The following METTL21C variants were observed in gnomAD, a reference collection of about 807,000 sequenced individuals.
The protein encoded by METTL21C is methyltransferase 21C, AARS1 lysine, also known as protein-lysine methyltransferase METTL21C.
METTL21C carries 21 observed loss-of-function variants against 25.9 expected under a neutral mutation model. That is an observed-to-expected ratio of 0.81 (90% CI 0.58 to 1.17). The LOEUF is 1.17. Among genes scored for constraint, METTL21C ranks in the 50% most tolerant of loss-of-function variants. METTL21C has a pLI of 0.00. For missense variants in METTL21C, 312 were observed against 315.1 expected, an observed-to-expected ratio of 0.99 and a Z score of 0.07; for synonymous variants, 125 against 124.7, an observed-to-expected ratio of 1.00 and a Z score of -0.01.
intron 1 of METTL21C, among the ~76,000 whole-genome samples, chr13:102,693,145 A>G (rs115540933): frequency 0.012 from 1,777 of 152,182 alleles, 41 homozygotes; most frequent in African/African-American, 0.041. Context: ...TAGTGTTCCT[A>G]CCGTACAGAC....
the METTL21C span, among the ~76,000 whole-genome samples, chr13:102,703,989 T>G: frequency 2.0e-5 from 3 of 152,214 alleles, no homozygotes; most frequent in Non-Finnish European, 4.4e-5. Flanking sequence ...TCACATTGTC[T>G]TAAGATGCAA....
chr13:102,686,095 G>T lies in METTL21C; in HGVS notation c.731C>A (p.Thr244Lys). The change falls in exon 4 of 4, where the codon ACA becomes AAA. Residue 244 changes from threonine to lysine, a missense_variant. Physicochemically the swap from Thr to Lys is moderately conservative, Grantham distance 78 (BLOSUM62 -1). Transcript: ENST00000267273. ...LDKFKQVFDTTLLAEYPESSV... is the reference protein window; with the variant it reads ...LDKFKQVFDTKLLAEYPESSV... ...TGACTCTGGATATTCAGCCAACAGT[G>T]TTGTGTCAAAAACTTGCTTGAATTT... The T allele has an allele frequency of 1.2e-6, 2 of 1,613,298 alleles. No individual in the cohort carries two copies. Among genetic ancestry groups the T allele is most frequent in the Non-Finnish European group, 1.7e-6 (2 of 1,179,420 alleles).
chr13:102,687,799 T>C (rs1885715428), intron 2 of METTL21C, among the ~76,000 whole-genome samples: 1 of 152,210 alleles, frequency 6.6e-6, no homozygotes, highest in Non-Finnish European at 1.5e-5. Context: ...TTTTTAAATG[T>C]TTTATATATC....
chr13:102,694,894 T>TCACACACACA lies in METTL21C; in HGVS notation c.-397_-396insTGTGTGTGTG, dbSNP rs1346890971. Among the ~76,000 whole-genome samples the TCACACACACA allele has an allele frequency of 2.1e-5, 3 of 142,484 alleles. No homozygotes were observed. Among genetic ancestry groups the TCACACACACA allele is most frequent in the African/African-American group, 7.9e-5 (3 of 37,782 alleles). 93.5% of individuals were successfully genotyped at this position (142,484 alleles called of 152,430 possible). The stretch of plus-strand genomic sequence containing the variant: ...CTCTTTCTCTCTCTCTCTCTCTCTC[T>TCACACACACA]CTCTCTCACACACACACACACACAC... On this transcript the variant is annotated 5_prime_UTR_variant, in exon 1 of 4. Coordinates refer to ENST00000267273, the MANE Select transcript of METTL21C (RefSeq NM_001010977.3).
intron 2 of METTL21C, among the ~76,000 whole-genome samples, chr13:102,687,553 T>TA (rs1885708269): frequency 1.3e-5 from 2 of 152,236 alleles, no homozygotes; most frequent in Admixed American, 1.3e-4. Flanking sequence ...CACTTTGCCG[T>TA]ATTGAGCGAC....
Position 102,686,208 on chromosome 13 carries a change from G to A in METTL21C, c.618C>T (p.Leu206=). The change falls in exon 4 of 4, where the codon CTC becomes CTT. Residue 206 remains leucine (L), a synonymous_variant. Coordinates refer to ENST00000267273, the MANE Select transcript of METTL21C (RefSeq NM_001010977.3). ...GCTGGGAAAGGTACACCATGGTGGTGAGCAGCTTGTCCAGGAAGTAGTGAT... is the reference window on the plus strand; with the variant it reads ...GCTGGGAAAGGTACACCATGGTGGTAAGCAGCTTGTCCAGGAAGTAGTGAT... ...VYHHYFLDKL[L]TTMVYLSQPG... 6.2e-7 allele frequency: 1 copy of A among 1,614,210 alleles called. No individual in the cohort carries two copies. Among genetic ancestry groups the A allele is most frequent in the African/African-American group, 1.3e-5 (1 of 75,048 alleles).
At chr13:102,689,813 C>T (rs1476927651) in intron 2 of METTL21C, among the ~76,000 whole-genome samples, 2 of 152,334 alleles carry the variant, frequency 1.3e-5, no homozygotes, top group South Asian at 2.1e-4. Context: ...TTAATGAGGA[C>T]AGTTCATGTG....
chr13:102,689,746 C>T (rs1232867755), intron 2 of METTL21C, among the ~76,000 whole-genome samples: 1 of 152,218 alleles, frequency 6.6e-6, no homozygotes, highest in African/African-American at 2.4e-5. Context: ...CTTTACCACG[C>T]CAGCAGACTG....
chr13:102,689,226 G>A (rs952576447), intron 2 of METTL21C, among the ~76,000 whole-genome samples: 1 of 152,166 alleles, frequency 6.6e-6, no homozygotes, highest in Non-Finnish European at 1.5e-5. Flanking sequence ...CACATGCCCG[G>A]CCTCTGATCT....
the METTL21C span, among the ~76,000 whole-genome samples, chr13:102,701,065 T>C: frequency 6.6e-6 from 1 of 152,070 alleles, no homozygotes; most frequent in South Asian, 2.1e-4. Context: ...CTGATGGAAC[T>C]ATTCTGGGAT....
upstream of METTL21C, among the ~76,000 whole-genome samples, chr13:102,696,450 C>T (rs1250238932): frequency 3.3e-5 from 5 of 152,066 alleles, no homozygotes; most frequent in Non-Finnish European, 7.4e-5. Context: ...ACCACCATGG[C>T]ACGTGTATAC....
upstream of METTL21C, among the ~76,000 whole-genome samples, chr13:102,696,474 C>G (rs1033773693): frequency 2.0e-5 from 3 of 151,722 alleles, no homozygotes; most frequent in Non-Finnish European, 4.4e-5. Context: ...TGTAACAAAC[C>G]TGCACATTCT....
rs760302955 is a variant in METTL21C, at chr13:102,686,062, T to C, written c.764A>G (p.Lys255Arg). The C allele has an allele frequency of 1.9e-6, 3 of 1,594,458 alleles. No homozygotes were observed. The highest frequency in any genetic ancestry group is 1.7e-6 in the Non-Finnish European group (2 of 1,167,624). Reference sequence around the variant, plus strand: ...CCATTTTAGTATCCCCTTAAAAAGTTTGACTGATGACTCTGGATATTCAGC... The same window carrying C: ...CCATTTTAGTATCCCCTTAAAAAGTCTGACTGATGACTCTGGATATTCAGC... ...LLAEYPESSV[K>R]LFKGILKWD is the part of the protein sequence containing the mutation. The change falls in exon 4 of 4, where the codon AAA becomes AGA. Residue 255 changes from lysine (K) to arginine (R), a missense_variant. By Grantham distance (26) the Lys-to-Arg change is conservative. Transcript: ENST00000267273.
At chr13:102,698,822 G>T (rs1237059142), upstream of METTL21C, among the ~76,000 whole-genome samples, 1 of 152,170 alleles carries the variant, frequency 6.6e-6, no homozygotes, top group East Asian at 1.9e-4. Context: ...TACACAGTGG[G>T]CATATGAACC....
At chr13:102,704,174 G>C in the METTL21C span, among the ~76,000 whole-genome samples, 1 of 152,154 alleles carries the variant, frequency 6.6e-6, no homozygotes, top group Non-Finnish European at 1.5e-5. Context: ...ACGTCAGAGC[G>C]CTCACCTCAT....
In METTL21C at chr13:102,691,968, A is replaced by G. The variant is rs539993045; in HGVS notation, c.131-1004T>C. Among the ~76,000 whole-genome samples the G allele has an allele frequency of 3.3e-5, 5 of 152,166 alleles. 1 individual carries two copies. In the East Asian group the frequency reaches 9.6e-4, roughly 29 times the overall value. On this transcript the variant is annotated intron_variant, in intron 1 of 3. Coordinates refer to ENST00000267273, the MANE Select transcript of METTL21C (RefSeq NM_001010977.3). ...TTAGGAATAAAAGAGCAGTGAGTCA[A>G]AGTGTGTGGAAGAAGGAGCAGGAGC...
the METTL21C span, among the ~76,000 whole-genome samples, chr13:102,700,683 G>A: frequency 6.6e-6 from 1 of 152,146 alleles, no homozygotes; most frequent in Non-Finnish European, 1.5e-5. Context: ...ATACCTTTCT[G>A]CAGCTCACTT....
chr13:102,692,453 A>C (rs1421816933), intron 1 of METTL21C, among the ~76,000 whole-genome samples: 1 of 152,210 alleles, frequency 6.6e-6, no homozygotes, highest in Non-Finnish European at 1.5e-5. Flanking sequence ...TGCCTGTTGA[A>C]TCTAACTACA....
intron 2 of METTL21C, among the ~76,000 whole-genome samples, chr13:102,690,145 G>A (rs1280667162): frequency 1.3e-5 from 2 of 152,204 alleles, no homozygotes; most frequent in Non-Finnish European, 2.9e-5. Flanking sequence ...GGCCGGCCGG[G>A]CGTGGTGGTT....
Sources: allele counts gnomAD v4.1 joint callset (sites outside exome capture counted in the v4.1 genomes callset), GRCh38; gene constraint gnomAD v4.1.1; transcripts MANE v1.5; gene names NCBI Gene and HGNC (gene_info 2026-07-23, HGNC 2026-07-21).